Variants in CCDC181 observed in about 807,000 individuals in gnomAD.
CCDC181 encodes coiled-coil domain-containing protein 181.
CCDC181 carries 35 observed loss-of-function variants against 58.7 expected under a neutral mutation model. The ratio of observed to expected loss-of-function variants is 0.60; its 90% CI spans 0.46 to 0.79. CCDC181 has a LOEUF of 0.79. Among genes scored for constraint, CCDC181 ranks in the 30% least tolerant of loss-of-function variants. CCDC181 has a pLI of 0.00. For missense variants in CCDC181, 517 were observed against 583.9 expected, an observed-to-expected ratio of 0.89 and a Z score of 1.18; for synonymous variants, 183 against 197.5, an observed-to-expected ratio of 0.93 and a Z score of 0.62.
chr1:169,449,152 A>G (rs1002255223), intron 2 of CCDC181, among the ~76,000 whole-genome samples: 2 of 152,066 alleles, frequency 1.3e-5, no homozygotes, highest in Non-Finnish European at 2.9e-5. Context: ...TCTGAGTTTG[A>G]TTCTTATGCT....
At chr1:169,408,098 A>C (rs1655768193) in intron 4 of CCDC181, among the ~76,000 whole-genome samples, 1 of 152,220 alleles carries the variant, frequency 6.6e-6, no homozygotes, top group Admixed American at 6.5e-5. Context: ...AGGGGGCTAA[A>C]GCCAGGGAGC....
chr1:169,397,421 T>C (rs1655111423), intron 4 of CCDC181, 30 bp from the exon 5 acceptor site: 1 of 1,565,022 alleles, frequency 6.4e-7, no homozygotes. Flanking sequence ...TTACTTAGTT[T>C]AGATAAACAA....
intron 2 of CCDC181, among the ~76,000 whole-genome samples, chr1:169,455,485 A>G (rs927003893): frequency 2.0e-5 from 3 of 152,120 alleles, no homozygotes; most frequent in Admixed American, 6.6e-5. Context: ...TATACTTCAA[A>G]ATTTCCAAAC....
intron 2 of CCDC181, chr1:169,451,123 AT>A (rs1400757107): frequency 6.6e-6 from 1 of 152,096 alleles, no homozygotes; most frequent in Admixed American, 6.5e-5. Flanking sequence ...TGGAAGTCCA[AT>A]TCTCTTACCA....
upstream of CCDC181, among the ~76,000 whole-genome samples, chr1:169,430,186 G>T (rs1157168833): frequency 2.6e-5 from 4 of 152,208 alleles, no homozygotes; most frequent in East Asian, 7.7e-4. Context: ...ATGTTTTAGT[G>T]ACTATAGCCT....
At chr1:169,432,278 A>C (rs931469178), upstream of CCDC181, among the ~76,000 whole-genome samples, 8 of 152,152 alleles carry the variant, frequency 5.3e-5, no homozygotes, top group African/African-American at 1.9e-4. Flanking sequence ...AAGATAAGAC[A>C]ATTGAAATTG....
intron 2 of CCDC181, among the ~76,000 whole-genome samples, chr1:169,438,583 A>G (rs749776548): frequency 6.6e-6 from 1 of 152,318 alleles, no homozygotes; most frequent in Non-Finnish European, 1.5e-5. Context: ...CAAAACAGAC[A>G]CTAGTCACCT....
chr1:169,421,133 C>G (rs1307201173), intron 3 of CCDC181, among the ~76,000 whole-genome samples: 2 of 152,142 alleles, frequency 1.3e-5, no homozygotes, highest in African/African-American at 4.8e-5. Context: ...ACTGAGATCT[C>G]CGCTAACACA....
At chr1:169,400,521 C>T (rs758929436) in intron 4 of CCDC181, among the ~76,000 whole-genome samples, 3 of 151,692 alleles carry the variant, frequency 2.0e-5, no homozygotes, top group Non-Finnish European at 2.9e-5. Context: ...TTCAACAGAT[C>T]GATCCTAAGA....
At chr1:169,395,355 T>C in intron 5 of CCDC181, 149 bp from the exon 6 acceptor site, 1 of 665,062 alleles carries the variant, frequency 1.5e-6, no homozygotes, top group Non-Finnish European at 2.3e-6. Context: ...AACTGAAAAA[T>C]GTAAAGATTA....
At chr1:169,406,699 C>T (rs556818731) in intron 4 of CCDC181, among the ~76,000 whole-genome samples, 9 of 151,852 alleles carry the variant, frequency 5.9e-5, no homozygotes, top group South Asian at 4.2e-4. Flanking sequence ...GATGAGTTAA[C>T]GGGTGCAGCA....
chr1:169,397,311 T>C lies in CCDC181; in HGVS notation c.1296A>G (p.Thr432=). 1 of 1,612,402 alleles carries C rather than the reference T, an allele frequency of 6.2e-7. No individual in the cohort carries two copies. The highest frequency in any genetic ancestry group is 8.5e-7 in the Non-Finnish European group (1 of 1,179,248). Residue 432 remains threonine (T), a synonymous_variant, in exon 5 of 6, where the codon ACA becomes ACG. Transcript: ENST00000367806. ...ATTCCTCTTGCTTTCTTAGTTCTTC[T>C]GTCTGTCTTTCTTTCATCTGCTCTT... The part of the protein sequence containing the change: ...KHEEQMKERQ[T]EELRKQEECL...
At chr1:169,408,532 G>A (rs954606318) in intron 4 of CCDC181, among the ~76,000 whole-genome samples, 2 of 152,238 alleles carry the variant, frequency 1.3e-5, no homozygotes, top group Non-Finnish European at 2.9e-5. Flanking sequence ...TCCCAGCACA[G>A]TGCTTGAGCT....
chr1:169,428,349 G>T (rs1054891123), upstream of CCDC181, among the ~76,000 whole-genome samples: 3 of 151,832 alleles, frequency 2.0e-5, no homozygotes, highest in African/African-American at 7.2e-5. Context: ...AAAGGTTGAA[G>T]GAATTTTAGT....
In CCDC181 at chr1:169,417,217, G is replaced by C. The variant is rs548981628; in HGVS notation, c.1215+1796C>G. The stretch of plus-strand genomic sequence containing the variant: ...TTAGCATCAAATCCCATGGGTTAAG[G>C]GCTCAATCCCTCAAGATTGCCTCCA... On this transcript the variant is annotated intron_variant, in intron 4 of 5. Transcript: ENST00000367806. Among the ~76,000 whole-genome samples the C allele has an allele frequency of 2.0e-5, 3 of 152,162 alleles. No homozygotes were observed. The South Asian group carries it at 6.2e-4, about 32-fold the overall frequency.
intron 3 of CCDC181, 60 bp downstream of exon 3, chr1:169,421,303 G>C: frequency 8.0e-7 from 1 of 1,255,016 alleles, no homozygotes; most frequent in Non-Finnish European, 1.1e-6. Context: ...AATTCCCATT[G>C]CATTTATAAA....
intron 2 of CCDC181, among the ~76,000 whole-genome samples, chr1:169,438,308 G>A (rs928528751): frequency 5.9e-5 from 9 of 151,598 alleles, no homozygotes; most frequent in Non-Finnish European, 1.2e-4. Flanking sequence ...CCAGAAACTC[G>A]TGTGGTAAGA....
At chr1:169,427,110 C>T (rs1656743332) in intron 1 of CCDC181, among the ~76,000 whole-genome samples, 178 bp downstream of exon 1, 1 of 152,124 alleles carries the variant, frequency 6.6e-6, no homozygotes, top group Non-Finnish European at 1.5e-5. Flanking sequence ...CAGACTTCCC[C>T]ACCAGTGCCA....
chr1:169,397,096 GCATGAATTTAA>G (rs1655084464), intron 5 of CCDC181, 130 bp downstream of exon 5: 1 of 499,306 alleles, frequency 2.0e-6, no homozygotes, highest in Non-Finnish European at 3.3e-6. Context: ...ATTTTTAAAA[GCATGAATTTAA>G]AATTGAATAG....
Sources: gnomAD v4.1 joint callset for allele counts (sites outside exome capture counted in the v4.1 genomes callset) on GRCh38, gnomAD v4.1.1 for gene constraint, MANE v1.5 for transcripts, NCBI Gene and HGNC (gene_info 2026-07-23, HGNC 2026-07-21) for gene names.